POLR1B: variants seen among roughly 807,000 people sequenced by gnomAD.
POLR1B encodes DNA-directed RNA polymerase I subunit RPA2.
Under a neutral mutation model 105.8 loss-of-function variants are expected in POLR1B, and 30 were observed. That is an observed-to-expected ratio of 0.28 (90% CI 0.21 to 0.38). The LOEUF is 0.38. POLR1B is among the 10% of genes least tolerant of loss of function. The pLI is 1.00. For synonymous variants in POLR1B, 485 were observed against 505.1 expected, an observed-to-expected ratio of 0.96 and a Z score of 0.53; for missense variants, 976 against 1,435.8, an observed-to-expected ratio of 0.68 and a Z score of 5.17.
intron 9 of POLR1B, among the ~76,000 whole-genome samples, chr2:112,564,115 A>G (rs1332703250): frequency 2.6e-5 from 4 of 152,234 alleles, no homozygotes; most frequent in African/African-American, 7.2e-5. Flanking sequence ...TAATATTTGA[A>G]ATATTGCAAG....
chr2:112,546,174 C>T (rs1242991739), intron 1 of POLR1B, among the ~76,000 whole-genome samples: 1 of 152,126 alleles, frequency 6.6e-6, no homozygotes, highest in African/African-American at 2.4e-5. Context: ...AAAGCTTCCC[C>T]TACAGAATGG....
At position 112,567,322 on chromosome 2, in the gene POLR1B, G is replaced by GTTT. The variant is rs566526772; in HGVS notation, c.1747-643_1747-641dup. Among the ~76,000 whole-genome samples, 361 of 151,522 alleles carry GTTT rather than the reference G, an allele frequency of 2.4e-3. 44 individuals carry two copies. The highest frequency in any genetic ancestry group is 7.1e-3 in the African/African-American group (292 of 41,242). Reference sequence around the variant, plus strand: ...TGTTGTTGTTGTTGTTGTTGTTGTTGTTTTCAGGTTTCTGTAATTTAGGTT... The same window carrying GTTT: ...TGTTGTTGTTGTTGTTGTTGTTGTTGTTTTTTTCAGGTTTCTGTAATTTAGGTT... On this transcript the variant is annotated intron_variant, in intron 10 of 14. Coordinates refer to ENST00000263331, the MANE Select transcript of POLR1B (RefSeq NM_019014.6).
chr2:112,560,649 G>C (rs1683931256), intron 9 of POLR1B, among the ~76,000 whole-genome samples: 1 of 152,072 alleles, frequency 6.6e-6, no homozygotes, highest in South Asian at 2.1e-4. Context: ...TCCTCAGTGG[G>C]ATTAATATGT....
intron 13 of POLR1B, 111 bp from the exon 14 acceptor site, chr2:112,573,451 A>C: frequency 7.4e-7 from 1 of 1,352,886 alleles, no homozygotes; most frequent in Admixed American, 2.4e-5. Context: ...AATGTGAGGA[A>C]AGTTAAAATG....
At chr2:112,548,069 A>G (rs1683154211) in intron 3 of POLR1B, 1 of 152,902 alleles carries the variant, frequency 6.5e-6, no homozygotes, top group African/African-American at 2.4e-5. Context: ...TGAAATAAAA[A>G]TGTCTGCTTT....
chr2:112,548,597 G>T (rs1013985583), intron 3 of POLR1B, among the ~76,000 whole-genome samples: 1 of 151,586 alleles, frequency 6.6e-6, no homozygotes, highest in Non-Finnish European at 1.5e-5. Context: ...AAGCAAAATG[G>T]TTACAGTTTT....
In POLR1B at chr2:112,559,565, T is replaced by G. The variant is rs200197405; in HGVS notation, c.1603T>G (p.Cys535Gly). The change falls in exon 9 of 15, where the codon TGC (cysteine) becomes GGC (glycine). Residue 535 changes from cysteine to glycine, a missense_variant. Around this residue, in one of 12 missense-constraint regions of POLR1B, gnomAD observed 184 missense variants for 197.4 expected, o/e 0.93. Transcript: ENST00000263331. ...TACGGCATCTATTCCAGCTTTACTG[T>G]GCAACTTGGGTATGTAGTGTACAGT... ...VYTASIPALL[C>G]NLGVTPIDGA... 567 of 1,613,936 alleles carry G rather than the reference T, an allele frequency of 3.5e-4. 1 individual carries two copies. The highest frequency in any genetic ancestry group is 4.7e-4 in the Non-Finnish European group (553 of 1,179,908).
rs1684944712 is a variant in POLR1B at position 112,578,041 on chromosome 2, T to C, written c.*2312T>C. ...ACTGAATGATCCCACAGCTGAGGTC[T>C]ATTGTCATCGCTCCACTTCTATTTT... On this transcript the variant is annotated 3_prime_UTR_variant, in exon 15 of 15. Transcript: ENST00000263331. Among the ~76,000 whole-genome samples, 1 of 152,130 alleles carries C rather than the reference T, an allele frequency of 6.6e-6. No individual in the cohort carries two copies. Among genetic ancestry groups the C allele is most frequent in the South Asian group, 2.1e-4 (1 of 4,824 alleles).
chr2:112,552,045 C>T (rs960156481), intron 6 of POLR1B, 47 bp downstream of exon 6: 8 of 1,492,652 alleles, frequency 5.4e-6, no homozygotes, highest in African/African-American at 1.4e-5. Flanking sequence ...GGAGGGCTGT[C>T]AGTGGTTCTT....
chr2:112,551,685 A>T (rs1264287904), intron 5 of POLR1B, 90 bp from the exon 6 acceptor site: 1 of 1,075,704 alleles, frequency 9.3e-7, no homozygotes, highest in Non-Finnish European at 1.3e-6. Flanking sequence ...TTCCTTGGGT[A>T]TTAAAAAAAT....
intron 9 of POLR1B, among the ~76,000 whole-genome samples, chr2:112,561,781 A>G (rs575231070): frequency 2.6e-5 from 4 of 152,286 alleles, no homozygotes; most frequent in Admixed American, 6.5e-5. Context: ...ATTTATGAAC[A>G]CTAGGCAGCA....
In POLR1B at chr2:112,552,671, C is replaced by A; in HGVS notation, c.1013C>A (p.Ser338Tyr). The A allele has an allele frequency of 6.3e-7, 1 of 1,596,114 alleles. No homozygotes were observed. The highest frequency in any genetic ancestry group is 8.5e-7 in the Non-Finnish European group (1 of 1,172,536). Residue 338 changes from serine (S) to tyrosine (Y), a missense_variant, in exon 7 of 15, where the codon TCC becomes TAC. By Grantham distance (144) the Ser-to-Tyr change is moderately radical. This residue lies in a region of POLR1B where 452 missense variants were observed against 616.5 expected (regional missense o/e 0.73). Coordinates refer to ENST00000263331, the MANE Select transcript of POLR1B (RefSeq NM_019014.6). Reference sequence around the variant, plus strand: ...CAGTGCATCTGTATCCACTTGAAATCCAATACTGAAAAGTTTTATATGCTT... The same window carrying A: ...CAGTGCATCTGTATCCACTTGAAATACAATACTGAAAAGTTTTATATGCTT... ...FNQCICIHLK[S>Y]NTEKFYMLCL...
At chr2:112,560,176 G>C (rs1683901278) in intron 9 of POLR1B, among the ~76,000 whole-genome samples, 2 of 152,028 alleles carry the variant, frequency 1.3e-5, no homozygotes, top group South Asian at 4.1e-4. Flanking sequence ...GGGATTTGAG[G>C]CTGCAGTGAG....
chr2:112,556,621 A>G (rs759344756), intron 7 of POLR1B, among the ~76,000 whole-genome samples: 21 of 152,196 alleles, frequency 1.4e-4, no homozygotes, highest in Non-Finnish European at 1.9e-4. Context: ...TGGATTATCA[A>G]TAGTCAATGG....
chr2:112,567,421 C>A (rs1434628593), intron 10 of POLR1B, among the ~76,000 whole-genome samples: 1 of 151,868 alleles, frequency 6.6e-6, no homozygotes, highest in African/African-American at 2.4e-5. Context: ...ACTCTGTCAC[C>A]CAGGCTGGAG....
intron 1 of POLR1B, among the ~76,000 whole-genome samples, chr2:112,544,289 G>A (rs893034583): frequency 6.6e-6 from 1 of 151,818 alleles, no homozygotes; most frequent in African/African-American, 2.4e-5. Context: ...AAAATTAGCC[G>A]GGCATGGTGG....
intron 5 of POLR1B, among the ~76,000 whole-genome samples, chr2:112,551,550 A>C (rs1683366351): frequency 6.6e-6 from 1 of 152,160 alleles, no homozygotes; most frequent in African/African-American, 2.4e-5. Context: ...GCATGGGAGG[A>C]AACTACACGT....
intron 9 of POLR1B, 120 bp downstream of exon 9, chr2:112,559,694 G>C: frequency 8.4e-7 from 1 of 1,186,614 alleles, no homozygotes. Context: ...GCAGTGGCGC[G>C]ATCTTGGCTC....
chr2:112,574,865 T>G lies in POLR1B; in HGVS notation c.2544T>G (p.Val848=). The G allele has an allele frequency of 6.2e-7, 1 of 1,609,500 alleles. No individual in the cohort carries two copies. Among genetic ancestry groups the G allele is most frequent in the Non-Finnish European group, 8.5e-7 (1 of 1,176,146 alleles). Residue 848 remains valine (V), a synonymous_variant, in exon 15 of 15, where the codon GTT becomes GTG. Coordinates refer to ENST00000263331, the MANE Select transcript of POLR1B (RefSeq NM_019014.6). ...TTCCTAGGAGTAAAGAAAATTGTGT[T>G]GTGGATAACATCAAAGTGTGCAGTA... ...VMYYKSKENC[V]VDNIKVCSND...
Sources: allele counts gnomAD v4.1 joint callset (sites outside exome capture counted in the v4.1 genomes callset), GRCh38; gene constraint gnomAD v4.1.1; regional missense constraint gnomAD v4.1.1; transcripts MANE v1.5; gene names NCBI Gene and HGNC (gene_info 2026-07-23, HGNC 2026-07-21).